Variants in KLRC3 observed in about 807,000 individuals in gnomAD.
KLRC3 encodes killer cell lectin like receptor C3, also known as NKG2-E type II integral membrane protein.
Under a neutral mutation model 23.6 loss-of-function variants are expected in KLRC3, and 16 were observed. The observed-to-expected ratio is 0.68, with a 90% CI of 0.46 to 1.03. The LOEUF is 1.03. KLRC3 is among the 50% of genes least tolerant of loss of function. The pLI is 0.00. For missense variants in KLRC3, 209 were observed against 232.2 expected (o/e 0.90, Z 0.65); for synonymous variants, 70 against 71.8 (o/e 0.98, Z 0.13).
intron 5 of KLRC3, 27 bp from the exon 6 acceptor site, chr12:10,415,821 T>A: frequency 6.5e-7 from 1 of 1,531,536 alleles, no homozygotes; most frequent in Non-Finnish European, 9.0e-7. Context: ...TCCATAATTC[T>A]GTTACATTTT....
rs762529613 is a variant in KLRC3 at position 10,415,742 on chromosome 12, CACGTACAT to C, written c.632_639del (p.His211ArgfsTer14). ...GATCCACACTGGTCTGATATAAGTC[CACGTACAT>C]GTAGCATTGCACAGTTACGTTCAGC... is the stretch of plus-strand genomic sequence containing the variant. On this transcript the variant is annotated frameshift_variant, in exon 6 of 7. Coordinates refer to ENST00000396439, the MANE Select transcript of KLRC3 (RefSeq NM_002261.3). LOFTEE classifies it low-confidence loss of function (END_TRUNC). 1.9e-6 allele frequency: 3 copies of C among 1,613,386 alleles called. No individual in the cohort carries two copies. The highest frequency in any genetic ancestry group is 2.5e-6 in the Non-Finnish European group (3 of 1,179,694).
chr12:10,415,890 GAAA>G (rs991715200), intron 5 of KLRC3, 96 bp from the exon 6 acceptor site: 9 of 885,156 alleles, frequency 1.0e-5, no homozygotes, highest in Non-Finnish European at 1.4e-5. Context: ...ATAATTTTAT[GAAA>G]AAGGGTAATT....
In KLRC3 at chr12:10,418,387, T is replaced by G. The variant is rs756458065; in HGVS notation, c.443A>C (p.Lys148Thr). ...WEESLQACAS[K>T]NSSSLLCIDN... ...TATACAAAGCAGACTAGAAGAGTTC[T>G]TTGAAGCACAGGCCTGCAAACTCTC... Residue 148 changes from lysine to threonine, a missense_variant, in exon 4 of 7, where the codon AAG becomes ACG. Physicochemically the swap from Lys to Thr is moderately conservative, Grantham distance 78. This residue lies in a region of KLRC3 where 109 missense variants were observed against 113.2 expected (regional missense o/e 0.96). Coordinates refer to ENST00000396439, the MANE Select transcript of KLRC3 (RefSeq NM_002261.3). 3.1e-6 allele frequency: 5 copies of G among 1,612,164 alleles called. No individual in the cohort carries two copies. The South Asian group carries it at 5.5e-5, about 18-fold the overall frequency.
At chr12:10,416,449 C>T (rs1222230697) in intron 5 of KLRC3, among the ~76,000 whole-genome samples, 1 of 152,226 alleles carries the variant, frequency 6.6e-6, no homozygotes, top group South Asian at 2.1e-4. Context: ...AAAGATTAGA[C>T]ACCCCTGGTC....
chr12:10,414,690 A>T (rs1046594845), intron 6 of KLRC3, among the ~76,000 whole-genome samples: 1 of 151,582 alleles, frequency 6.6e-6, no homozygotes, highest in East Asian at 1.9e-4. Flanking sequence ...CAGCACACCA[A>T]CATGGCACAT....
intron 6 of KLRC3, among the ~76,000 whole-genome samples, chr12:10,413,945 A>C (rs1863607042): frequency 6.6e-6 from 1 of 152,132 alleles, no homozygotes; most frequent in South Asian, 2.1e-4. Flanking sequence ...ATGTCCCTGC[A>C]GAGGACATGA....
chr12:10,416,917 C>G (rs1863653560), intron 4 of KLRC3, 150 bp from the exon 5 acceptor site: 1 of 648,270 alleles, frequency 1.5e-6, no homozygotes, highest in African/African-American at 1.8e-5. Context: ...AACGTTTATA[C>G]TTAGTACTTT....
chr12:10,416,704 G>T lies in KLRC3; in HGVS notation c.550C>A (p.Pro184Thr). Residue 184 changes from proline (P) to threonine (T), a missense_variant, in exon 5 of 7, where the codon CCA (proline) becomes ACA (threonine). By Grantham distance (38) the Pro-to-Thr change is conservative (BLOSUM62 -1). Coordinates refer to ENST00000396439, the MANE Select transcript of KLRC3 (RefSeq NM_002261.3). Reference sequence around the variant, plus strand: ...GCCAAACCATTTATTGTCACCCATGGATGATGACTGCTGTTACGAAACACA... The same window carrying T: ...GCCAAACCATTTATTGTCACCCATGTATGATGACTGCTGTTACGAAACACA... ...IGVFRNSSHHPWVTINGLAFK... is the reference protein window; with the variant it reads ...IGVFRNSSHHTWVTINGLAFK... The T allele has an allele frequency of 4.3e-6, 7 of 1,611,000 alleles. No individual in the cohort carries two copies. The highest frequency in any genetic ancestry group is 5.9e-6 in the Non-Finnish European group (7 of 1,178,442).
chr12:10,412,712 G>A, intron 6 of KLRC3, 96 bp from the exon 7 acceptor site: 1 of 662,358 alleles, frequency 1.5e-6, no homozygotes. Context: ...AGCCTTGGAG[G>A]TGAGGTCGAG....
At position 10,420,346 on chromosome 12, in the gene KLRC3, A is replaced by G; in HGVS notation, c.187+18T>C. On this transcript the variant is annotated intron_variant, in intron 1 of 6. Coordinates refer to ENST00000396439, the MANE Select transcript of KLRC3 (RefSeq NM_002261.3). Reference sequence around the variant, plus strand: ...ACATCCCAGAACAATAACATTGAAGATATATTTAATGTTTTACCTTGGCAG... The same window carrying G: ...ACATCCCAGAACAATAACATTGAAGGTATATTTAATGTTTTACCTTGGCAG... The G allele has an allele frequency of 6.2e-7, 1 of 1,607,052 alleles. No homozygotes were observed. Among genetic ancestry groups the G allele is most frequent in the East Asian group, 2.2e-5 (1 of 44,776 alleles).
intron 4 of KLRC3, among the ~76,000 whole-genome samples, chr12:10,417,244 T>G (rs1336373786): frequency 6.6e-6 from 1 of 151,782 alleles, no homozygotes; most frequent in Non-Finnish European, 1.5e-5. Context: ...ATAACAGGGG[T>G]CCTGGCCAGG....
chr12:10,420,325 C>A (rs776215667), intron 1 of KLRC3, 39 bp downstream of exon 1: 7 of 1,596,930 alleles, frequency 4.4e-6, no homozygotes, highest in African/African-American at 1.3e-5. Flanking sequence ...AACTGCACAT[C>A]CCAGAACAAT....
At chr12:10,414,766 TA>T (rs1177489386) in intron 6 of KLRC3, among the ~76,000 whole-genome samples, 1 of 140,744 alleles carries the variant, frequency 7.1e-6, no homozygotes, top group Non-Finnish European at 1.6e-5. Flanking sequence ...ATAATAATAA[TA>T]AAAAAAGAAA....
intron 3 of KLRC3, among the ~76,000 whole-genome samples, chr12:10,418,806 C>T (rs1490588222): frequency 1.3e-5 from 2 of 152,104 alleles, no homozygotes; most frequent in Admixed American, 6.5e-5. Flanking sequence ...TATTTGGTAT[C>T]ATCTCACAGC....
chr12:10,414,193 T>A (rs550993143), intron 6 of KLRC3, among the ~76,000 whole-genome samples: 7 of 152,302 alleles, frequency 4.6e-5, no homozygotes, highest in African/African-American at 1.7e-4. Flanking sequence ...AGCATGGATT[T>A]GTTTCGGAAA....
At chr12:10,415,576 A>G (rs1863628981) in intron 6 of KLRC3, 128 bp downstream of exon 6, 2 of 1,401,026 alleles carry the variant, frequency 1.4e-6, no homozygotes, top group African/African-American at 1.5e-5. Context: ...TTTTCTTATT[A>G]TTAGAGCAAA....
intron 4 of KLRC3, among the ~76,000 whole-genome samples, chr12:10,417,571 C>A (rs1362924237): frequency 6.6e-6 from 1 of 152,156 alleles, no homozygotes; most frequent in Non-Finnish European, 1.5e-5. Context: ...AGGAGACCTG[C>A]CACCAATACG....
chr12:10,413,669 T>C (rs991270592), intron 6 of KLRC3, among the ~76,000 whole-genome samples: 2 of 152,196 alleles, frequency 1.3e-5, no homozygotes, highest in African/African-American at 2.4e-5. Context: ...AGGGTATATG[T>C]GCACAACGTG....
intron 4 of KLRC3, among the ~76,000 whole-genome samples, chr12:10,418,091 ATTAAATAGTAAAAT>A (rs1863670871): frequency 6.6e-6 from 1 of 152,218 alleles, no homozygotes. Context: ...GCTCAATAAA[ATTAAATAGTAAAAT>A]TTATTGTGGA....
Sources: gnomAD v4.1 joint callset for allele counts (sites outside exome capture counted in the v4.1 genomes callset) on GRCh38, gnomAD v4.1.1 for gene constraint, gnomAD v4.1.1 regional missense constraint, MANE v1.5 for transcripts, NCBI Gene and HGNC (gene_info 2026-07-23, HGNC 2026-07-21) for gene names.